CBX2: variants seen among roughly 807,000 people sequenced by gnomAD.
CBX2 encodes chromobox 2.
In CBX2, 11 loss-of-function variants were observed where a neutral mutation model predicts 21.0. That is an observed-to-expected ratio of 0.52 (90% CI 0.33 to 0.87). CBX2 has a LOEUF of 0.87. Among genes scored for constraint, CBX2 ranks in the 40% least tolerant of loss-of-function variants. The pLI, the probability that CBX2 is intolerant of heterozygous loss-of-function variation, is 0.02. For synonymous variants in CBX2, 364 were observed against 304.6 expected, an observed-to-expected ratio of 1.19 and a Z score of -2.03; for missense variants, 746 against 724.3, an observed-to-expected ratio of 1.03 and a Z score of -0.34.
In CBX2 at chr17:79,784,766, G is replaced by A. The variant is rs781924919; in HGVS notation, c.1323G>A (p.Glu441=). The A allele has an allele frequency of 2.5e-6, 4 of 1,610,606 alleles. No individual in the cohort carries two copies. In the South Asian group the frequency reaches 4.4e-5, roughly 18 times the overall value. ...VKGSATPSGQ[E]SRTAPGEARK... ...GCAGTGCTACCCCCAGTGGGCAGGA[G>A]AGCCGCACAGCCCCCGGAGAAGCCC... is the stretch of plus-strand genomic sequence containing the variant. The change falls in exon 5 of 5, where the codon GAG becomes GAA. Residue 441 remains glutamate, a synonymous_variant. Coordinates refer to ENST00000310942, the MANE Select transcript of CBX2 (RefSeq NM_005189.3). The surrounding 1 kb of genome is among the most constrained non-coding windows in gnomAD (Gnocchi z 5.9).
intron 3 of CBX2, 59 bp downstream of exon 3, chr17:79,779,486 C>A: frequency 6.7e-7 from 1 of 1,492,254 alleles, no homozygotes; most frequent in Non-Finnish European, 9.3e-7. Context: ...TGGTTGGAGT[C>A]GTGCTGGGCG....
Position 79,785,393 on chromosome 17 carries a change from T to C in CBX2, c.*351T>C. The stretch of plus-strand genomic sequence containing the variant: ...TGCGTTGTTGCTGAGTTTGAACTGC[T>C]CCTCCCTGGCCTGCGTGACTGAATC... On this transcript the variant is annotated 3_prime_UTR_variant, in exon 5 of 5. Transcript: ENST00000310942. 2 of 370,510 alleles carry C rather than the reference T, an allele frequency of 5.4e-6. No individual in the cohort carries two copies. Among genetic ancestry groups the C allele is most frequent in the South Asian group, 5.6e-5 (2 of 35,796 alleles). The allele number at this position is 370,510 out of a possible 1,614,324, so 23.0% of individuals were successfully genotyped here.
chr17:79,783,837 A>G lies in CBX2; in HGVS notation c.394A>G (p.Arg132Gly). Residue 132 changes from arginine to glycine, a missense_variant, in exon 5 of 5, where the codon AGG becomes GGG. Physicochemically the swap from Arg to Gly is moderately radical, Grantham distance 125. This residue lies in a region of CBX2 where 701 missense variants were observed against 650.7 expected (regional missense o/e 1.08). Coordinates refer to ENST00000310942, the MANE Select transcript of CBX2 (RefSeq NM_005189.3). ...EEDDSDLDAK[R>G]GPRGRETHPV... is the part of the protein sequence containing the mutation. ...GGATGACAGTGACTTAGATGCTAAGAGGGGTCCCCGGGGCCGCGAGACCCA... is the reference window on the plus strand; with the variant it reads ...GGATGACAGTGACTTAGATGCTAAGGGGGGTCCCCGGGGCCGCGAGACCCA... 2.5e-6 allele frequency: 4 copies of G among 1,611,816 alleles called. No individual in the cohort carries two copies. The highest frequency in any genetic ancestry group is 3.4e-6 in the Non-Finnish European group (4 of 1,178,952).
Position 79,785,022 on chromosome 17 carries a change from T to C in CBX2, c.1579T>C (p.Phe527Leu). 1 of 1,601,208 alleles carries C rather than the reference T, an allele frequency of 6.2e-7. No homozygotes were observed. The highest frequency in any genetic ancestry group is 2.2e-5 in the East Asian group (1 of 44,888). The change falls in exon 5 of 5, where the codon TTC becomes CTC. Residue 527 changes from phenylalanine (F) to leucine (L), a missense_variant. By Grantham distance (22) the Phe-to-Leu change is conservative. This residue lies in a region of CBX2 where 701 missense variants were observed against 650.7 expected (regional missense o/e 1.08). Transcript: ENST00000310942. ...VKESPTSVGF[F>L]NLRHY ...GGAGTCTCCCACCAGCGTGGGCTTC[T>C]TCAACCTGAGGCATTACTGAAGCCC...
At chr17:79,783,144 G>T (rs1907359039) in intron 4 of CBX2, among the ~76,000 whole-genome samples, 1 of 152,190 alleles carries the variant, frequency 6.6e-6, no homozygotes, top group African/African-American at 2.4e-5. Flanking sequence ...GAAAGCTGAT[G>T]GTGGACGGGG....
At position 79,785,103 on chromosome 17, in the gene CBX2, C is replaced by A; in HGVS notation, c.*61C>A. 7.0e-7 allele frequency: 1 copy of A among 1,424,238 alleles called. No individual in the cohort carries two copies. The highest frequency in any genetic ancestry group is 9.8e-7 in the Non-Finnish European group (1 of 1,022,824). The allele number at this position is 1,424,238 out of a possible 1,614,324, so 88.2% of individuals were successfully genotyped here. A position where few individuals can be genotyped will look rare whatever the true frequency, so the allele number is the denominator to read the frequency against. ...CTTCCCTGCCTATGGTGTCGCTTGG[C>A]TAAGTGACTCCCAGCCCAAGCCCCC... On this transcript the variant is annotated 3_prime_UTR_variant, in exon 5 of 5. Coordinates refer to ENST00000310942, the MANE Select transcript of CBX2 (RefSeq NM_005189.3).
At chr17:79,777,840 GA>G (rs1906829007), upstream of CBX2, among the ~76,000 whole-genome samples, 1 of 151,090 alleles carries the variant, frequency 6.6e-6, no homozygotes, top group African/African-American at 2.4e-5. Context: ...CGCGCCCCGG[GA>G]ATCACGCGGG....
At chr17:79,781,641 G>A in intron 3 of CBX2, 55 bp from the exon 4 acceptor site, 1 of 1,470,990 alleles carries the variant, frequency 6.8e-7, no homozygotes, top group South Asian at 1.1e-5. Flanking sequence ...AGTCCCACAT[G>A]GTAGAAGGGG....
rs782038875 is a variant in CBX2 at position 79,781,748 on chromosome 17, C to G, written c.235C>G (p.Arg79Gly). 1 of 1,614,094 alleles carries G rather than the reference C, an allele frequency of 6.2e-7. No homozygotes were observed. Among genetic ancestry groups the G allele is most frequent in the Non-Finnish European group, 8.5e-7 (1 of 1,180,032 alleles). ...GAAGAGAGGCAAGAGGCCGAGAGGC[C>G]GGCCAAGGAAGCTCACTGCCATGTC... ...NRKRGKRPRG[R>G]PRKLTAMSSC... The change falls in exon 4 of 5, where the codon CGG becomes GGG. Residue 79 changes from arginine (R) to glycine (G), a missense_variant. Arg to Gly is a moderately radical substitution (Grantham distance 125). This residue lies in a region of CBX2 where 701 missense variants were observed against 650.7 expected (regional missense o/e 1.08). Transcript: ENST00000310942.
In CBX2 at chr17:79,785,179, G is replaced by A; in HGVS notation, c.*137G>A. ...GAGTGGGTGGCCTCCTTGATGGGCA[G>A]GCTTGGAAGGGACTTCTCCCGCACC... On this transcript the variant is annotated 3_prime_UTR_variant, in exon 5 of 5. Transcript: ENST00000310942. 1 of 726,658 alleles carries A rather than the reference G, an allele frequency of 1.4e-6. No individual in the cohort carries two copies. Among genetic ancestry groups the A allele is most frequent in the Non-Finnish European group, 2.4e-6 (1 of 424,070 alleles). The allele number at this position is 726,658 out of a possible 1,614,324, so 45.0% of individuals were successfully genotyped here.
chr17:79,782,476 G>C, intron 4 of CBX2: 1 of 1,222,870 alleles, frequency 8.2e-7, no homozygotes, highest in African/African-American at 1.5e-5. Context: ...TGGGGGAGGA[G>C]GGCCTGGCCT....
chr17:79,781,904 T>C, intron 4 of CBX2, 103 bp downstream of exon 4: 1 of 1,614,162 alleles, frequency 6.2e-7, no homozygotes, highest in Non-Finnish European at 8.5e-7. Context: ...GGGGTGGCAC[T>C]TCTGCCAACA....
chr17:79,780,181 C>T (rs1002468712), intron 3 of CBX2, among the ~76,000 whole-genome samples: 3 of 152,212 alleles, frequency 2.0e-5, no homozygotes, highest in South Asian at 2.1e-4. Context: ...GTTTCACTGA[C>T]GGCTCCCCCT....
intron 3 of CBX2, chr17:79,779,685 C>G (rs1445508087): frequency 1.9e-6 from 1 of 536,066 alleles, no homozygotes; most frequent in Non-Finnish European, 3.4e-6. Flanking sequence ...TTCCGACAGC[C>G]ATACTTGCAA....
intron 3 of CBX2, among the ~76,000 whole-genome samples, chr17:79,781,276 T>C (rs1489442417): frequency 1.3e-5 from 2 of 152,206 alleles, no homozygotes; most frequent in African/African-American, 4.8e-5. Flanking sequence ...CACCAGAAGC[T>C]GCCCAGGGGA....
rs1336807975 is a variant in CBX2, at chr17:79,787,925, A to G, written c.*2883A>G. On this transcript the variant is annotated 3_prime_UTR_variant, in exon 5 of 5. Transcript: ENST00000310942. Reference sequence around the variant, plus strand: ...ATCAAGCTTTGAACCAAAGCCAATCACTGGCTTGATTTGTGTTTTTTAATT... The same window carrying G: ...ATCAAGCTTTGAACCAAAGCCAATCGCTGGCTTGATTTGTGTTTTTTAATT... The G allele has an allele frequency of 1.3e-5, 2 of 152,116 alleles. No homozygotes were observed. Among genetic ancestry groups the G allele is most frequent in the Admixed American group, 6.6e-5 (1 of 15,266 alleles). 9.4% of individuals were successfully genotyped at this position (152,116 alleles called of 1,614,324 possible). A position where few individuals can be genotyped will look rare whatever the true frequency, so the allele number is the denominator to read the frequency against.
chr17:79,784,806 C>T lies in CBX2; in HGVS notation c.1363C>T (p.Leu455=), dbSNP rs1907518527. Reference sequence around the variant, plus strand: ...CGGAGAAGCCCGCAAGGCGGCCACACTGCCAGAGATGAGCGCAGGTGAGGA... The same window carrying T: ...CGGAGAAGCCCGCAAGGCGGCCACATTGCCAGAGATGAGCGCAGGTGAGGA... ...APGEARKAAT[L]PEMSAGEESS... is the part of the protein sequence containing the mutation. The change falls in exon 5 of 5, where the codon CTG becomes TTG. Residue 455 remains leucine, a synonymous_variant. Transcript: ENST00000310942. This position sits in a 1 kb window ranked among gnomAD's most constrained non-coding sequence, Gnocchi z 5.9. 6.2e-7 allele frequency: 1 copy of T among 1,611,246 alleles called. No homozygotes were observed. Among genetic ancestry groups the T allele is most frequent in the African/African-American group, 1.3e-5 (1 of 74,904 alleles).
rs1907487051 is a variant in CBX2 at position 79,784,535 on chromosome 17, C to T, written c.1092C>T (p.Gly364=). Residue 364 remains glycine (G), a synonymous_variant, in exon 5 of 5, where the codon GGC becomes GGT. Transcript: ENST00000310942. The surrounding 1 kb of genome is among the most constrained non-coding windows in gnomAD (Gnocchi z 5.9). ...TGGACTTGCAGAGTGTCAAGAATGGCATGCCCGGGGTGGGTCTCCTTGCCC... is the reference window on the plus strand; with the variant it reads ...TGGACTTGCAGAGTGTCAAGAATGGTATGCCCGGGGTGGGTCTCCTTGCCC... The part of the protein sequence containing the change: ...QVLDLQSVKN[G]MPGVGLLARH... 3 of 1,612,714 alleles carry T rather than the reference C, an allele frequency of 1.9e-6. No individual in the cohort carries two copies. The highest frequency in any genetic ancestry group is 2.5e-6 in the Non-Finnish European group (3 of 1,179,920).
At chr17:79,779,461 G>C in intron 3 of CBX2, 34 bp downstream of exon 3, 3 of 1,597,940 alleles carry the variant, frequency 1.9e-6, no homozygotes, top group Non-Finnish European at 2.6e-6. Context: ...GAGGGTGTGG[G>C]GGAGGGACGG....
Sources: gnomAD v4.1 joint callset for allele counts (sites outside exome capture counted in the v4.1 genomes callset) on GRCh38, gnomAD v4.1.1 for gene constraint, gnomAD v4.1.1 regional missense constraint, Gnocchi (gnomAD v3.1) non-coding constraint, MANE v1.5 for transcripts, NCBI Gene and HGNC (gene_info 2026-07-23, HGNC 2026-07-21) for gene names.